NBEA: variants seen among roughly 807,000 people sequenced by gnomAD.
The protein encoded by NBEA is neurobeachin, also known as lysosomal-trafficking regulator 2.
Under a neutral mutation model 343.4 loss-of-function variants are expected in NBEA, and 44 were observed. The ratio of observed to expected loss-of-function variants is 0.13; its 90% confidence interval spans 0.10 to 0.16. NBEA has a LOEUF of 0.16. Ranked by LOEUF, NBEA falls within the 10% of genes least tolerant of loss-of-function variation. The pLI is 1.00. For missense variants in NBEA, 2,555 were observed against 3,631.3 expected (o/e 0.70, Z 7.62); for synonymous variants, 1,175 against 1,238.7 (o/e 0.95, Z 1.08).
chr13:35,264,403 A>G (rs552216196), intron 34 of NBEA, among the ~76,000 whole-genome samples: 25 of 152,104 alleles, frequency 1.6e-4, no homozygotes, highest in African/African-American at 6.0e-4. Flanking sequence ...ACATATTACA[A>G]ACCCAGCATT....
chr13:35,173,524 A>G lies in NBEA; in HGVS notation c.4484A>G (p.Asn1495Ser). The G allele has an allele frequency of 6.2e-7, 1 of 1,611,450 alleles. No individual in the cohort carries two copies. Residue 1495 changes from asparagine (N) to serine (S), a missense_variant, in exon 27 of 59, where the codon AAT becomes AGT. By Grantham distance (46) the Asn-to-Ser change is conservative. Around this residue, in one of 21 missense-constraint regions of NBEA, gnomAD observed 168 missense variants for 193.0 expected, o/e 0.87. Transcript: ENST00000379939. ...ECRQRQRDRG[N>S]KSSHGSSKPQ... ...CGGCAAAGACAGAGAGACAGGGGAA[A>G]TAAATCTTCCCATGGAAGCAGTAAA...
At position 35,260,122 on chromosome 13, in the gene NBEA, C is replaced by T. The variant is rs73489533; in HGVS notation, c.5776+27503C>T. Among the ~76,000 whole-genome samples the T allele has an allele frequency of 6.3e-3, 963 of 152,280 alleles. 10 individuals carry two copies. Among genetic ancestry groups the T allele is most frequent in the African/African-American group, 0.022 (922 of 41,566 alleles). ...ACGTAAGATCATGTCCACACTTCTTCGTGCTTTCAGAGATGGGGAAATCAA... is the reference window on the plus strand; with the variant it reads ...ACGTAAGATCATGTCCACACTTCTTTGTGCTTTCAGAGATGGGGAAATCAA... On this transcript the variant is annotated intron_variant, in intron 34 of 58. Transcript: ENST00000379939.
At chr13:35,206,247 C>T (rs1359989897) in intron 31 of NBEA, among the ~76,000 whole-genome samples, 1 of 152,054 alleles carries the variant, frequency 6.6e-6, no homozygotes, top group African/African-American at 2.4e-5. Flanking sequence ...CAGTCTGTTA[C>T]AGAGAGCTTT....
intron 34 of NBEA, among the ~76,000 whole-genome samples, chr13:35,249,944 A>G (rs2031753781): frequency 6.6e-6 from 1 of 152,230 alleles, no homozygotes; most frequent in South Asian, 2.1e-4. Context: ...TTCAACCTTA[A>G]GGAAATTATA....
rs1999172 is a variant in NBEA, at chr13:35,124,723, T to C, written c.2336+1149T>C. ...ACACACATATATGTATGGATATATATACACATATGTATGGATATATACACA... is the reference window on the plus strand; with the variant it reads ...ACACACATATATGTATGGATATATACACACATATGTATGGATATATACACA... On this transcript the variant is annotated intron_variant, in intron 17 of 58. Coordinates refer to ENST00000379939, the MANE Select transcript of NBEA (RefSeq NM_001385012.1). Among the ~76,000 whole-genome samples the C allele has an allele frequency of 3.4e-3, 521 of 151,614 alleles. 6 individuals carry two copies. The highest frequency in any genetic ancestry group is 0.012 in the African/African-American group (483 of 41,402).
intron 34 of NBEA, among the ~76,000 whole-genome samples, chr13:35,234,864 T>G (rs931634115): frequency 1.3e-5 from 2 of 152,186 alleles, no homozygotes; most frequent in African/African-American, 4.8e-5. Flanking sequence ...TCCCTCAATT[T>G]ACTTTTCCTT....
rs562339981 is a variant in NBEA at position 34,993,418 on chromosome 13, T to C, written c.295-47515T>C. 2.0e-5 allele frequency among the ~76,000 whole-genome samples: 3 copies of C among 152,360 alleles called. No homozygotes were observed. The South Asian group carries it at 6.2e-4, about 32-fold the overall frequency. ...AATGCAGTATTTTTGTATTCACTGG[T>C]ATATTTTCTGCATCTATTACAGACC... On this transcript the variant is annotated intron_variant, in intron 1 of 58. Coordinates refer to ENST00000379939, the MANE Select transcript of NBEA (RefSeq NM_001385012.1).
chr13:35,498,652 A>G (rs1254261863), intron 41 of NBEA, among the ~76,000 whole-genome samples: 3 of 152,112 alleles, frequency 2.0e-5, no homozygotes, highest in Non-Finnish European at 4.4e-5. Context: ...CAAATGCACA[A>G]TGAAAATATT....
intron 58 of NBEA, 100 bp from the exon 59 acceptor site, chr13:35,670,801 T>G (rs1411496388): frequency 6.7e-6 from 5 of 747,128 alleles, no homozygotes; most frequent in Non-Finnish European, 1.1e-5. Flanking sequence ...CGTGATATTG[T>G]CTAGTGTAAA....
rs1250943920 is a variant in NBEA at position 34,942,813 on chromosome 13, G to A, written c.-8G>A. 9 of 1,359,916 alleles carry A rather than the reference G, an allele frequency of 6.6e-6. No individual in the cohort carries two copies. The highest frequency in any genetic ancestry group is 3.0e-5 in the East Asian group (1 of 33,430). 84.2% of individuals were successfully genotyped at this position (1,359,916 alleles called of 1,614,324 possible). ...GCTGCTCTTCCCTTCTCCTCAGGAG[G>A]GGGGCCAATGGCTAGCGAGAAGCCG... On this transcript the variant is annotated 5_prime_UTR_variant, in exon 1 of 59. Transcript: ENST00000379939.
In NBEA at chr13:35,045,055, G is replaced by A. The variant is rs775781251; in HGVS notation, c.627+8G>A. 3 of 1,599,424 alleles carry A rather than the reference G, an allele frequency of 1.9e-6. No homozygotes were observed. Among genetic ancestry groups the A allele is most frequent in the South Asian group, 2.3e-5 (2 of 88,758 alleles). ...GGAGAAAGTGGAATCTGGGTAAGCTGTGGTCGGAGGGAAAGGTATTCAGTA... is the reference window on the plus strand; with the variant it reads ...GGAGAAAGTGGAATCTGGGTAAGCTATGGTCGGAGGGAAAGGTATTCAGTA... On this transcript the variant is annotated splice_region_variant and intron_variant, in intron 3 of 58. Transcript: ENST00000379939.
intron 43 of NBEA, among the ~76,000 whole-genome samples, chr13:35,551,903 GTCCC>G (rs1442901060): frequency 6.6e-6 from 1 of 152,178 alleles, no homozygotes; most frequent in African/African-American, 2.4e-5. Context: ...TTTATCTTAA[GTCCC>G]TTTGGCCAGA....
intron 38 of NBEA, among the ~76,000 whole-genome samples, chr13:35,355,429 A>C (rs1002418544): frequency 2.0e-5 from 3 of 152,168 alleles, no homozygotes; most frequent in Middle Eastern, 3.4e-3. Context: ...TAATTAATTA[A>C]AATTTAATTT....
intron 1 of NBEA, among the ~76,000 whole-genome samples, chr13:34,967,116 A>G (rs1334738566): frequency 6.6e-6 from 1 of 151,860 alleles, no homozygotes; most frequent in African/African-American, 2.4e-5. Flanking sequence ...TTTTATTTAT[A>G]TTACTTTTCA....
At chr13:35,343,318 C>A (rs1180650005) in intron 36 of NBEA, among the ~76,000 whole-genome samples, 1 of 152,044 alleles carries the variant, frequency 6.6e-6, no homozygotes, top group East Asian at 1.9e-4. Context: ...TTCAACACTC[C>A]TATCTCAGTT....
intron 16 of NBEA, among the ~76,000 whole-genome samples, chr13:35,122,456 A>C (rs2066855417): frequency 6.6e-6 from 1 of 151,992 alleles, no homozygotes; most frequent in African/African-American, 2.4e-5. Context: ...CATTCTCAGC[A>C]AACTACCGCT....
At chr13:34,975,818 G>C (rs369723203) in intron 1 of NBEA, among the ~76,000 whole-genome samples, 1 of 152,042 alleles carries the variant, frequency 6.6e-6, no homozygotes, top group African/African-American at 2.4e-5. Context: ...CAAGCATATG[G>C]AAAAATGCTC....
At chr13:35,129,499 T>G (rs1280658290) in intron 17 of NBEA, among the ~76,000 whole-genome samples, 1 of 152,072 alleles carries the variant, frequency 6.6e-6, no homozygotes, top group East Asian at 1.9e-4. Flanking sequence ...TGAACACCTA[T>G]ATGGAAACAT....
rs913073596 is a variant in NBEA, at chr13:35,118,211, TA to T, written c.2083-16del. On this transcript the variant is annotated splice_polypyrimidine_tract_variant and intron_variant, in intron 14 of 58. Coordinates refer to ENST00000379939, the MANE Select transcript of NBEA (RefSeq NM_001385012.1). ...TAATTTTAGATGTAAAGTAATAAAA[TA>T]TTTTTTAAAAATTAGGATCGAGGGG... is the stretch of plus-strand genomic sequence containing the variant. The T allele has an allele frequency of 8.4e-6, 12 of 1,421,056 alleles. No homozygotes were observed. The highest frequency in any genetic ancestry group is 1.0e-5 in the Non-Finnish European group (11 of 1,065,510). 88.0% of individuals were successfully genotyped at this position (1,421,056 alleles called of 1,614,324 possible). A position where few individuals can be genotyped will look rare whatever the true frequency, so the allele number is the denominator to read the frequency against.
Sources: allele counts gnomAD v4.1 joint callset (sites outside exome capture counted in the v4.1 genomes callset), GRCh38; gene constraint gnomAD v4.1.1; regional missense constraint gnomAD v4.1.1; transcripts MANE v1.5; gene names NCBI Gene and HGNC (gene_info 2026-07-23, HGNC 2026-07-21).